Variants in BRSK2 observed in about 807,000 individuals in gnomAD.
The protein encoded by BRSK2 is serine/threonine-protein kinase BRSK2.
BRSK2 carries 19 observed loss-of-function variants against 83.3 expected under a neutral mutation model. That is an observed-to-expected ratio of 0.23 (90% CI 0.16 to 0.33). BRSK2 has a LOEUF of 0.33. Among genes scored for constraint, BRSK2 ranks in the 10% least tolerant of loss-of-function variants. The pLI is 1.00. For missense variants in BRSK2, 798 were observed against 1,042.3 expected, an observed-to-expected ratio of 0.77 and a Z score of 3.23; for synonymous variants, 519 against 435.4, an observed-to-expected ratio of 1.19 and a Z score of -2.39.
Position 1,461,635 on chromosome 11 carries a change from G to GGGGGGCT in BRSK2, c.*917_*923dup, listed in dbSNP as rs909164064. On this transcript the variant is annotated 3_prime_UTR_variant, in exon 20 of 20. Coordinates refer to ENST00000528841, the MANE Select transcript of BRSK2 (RefSeq NM_001256627.2). ...TGCCGTCTGCGTGTCTCAGGCAGTG[G>GGGGGGCT]GGGGGCTGGGGCCAGGGCGCCCTCT... 2.0e-5 allele frequency: 3 copies of GGGGGGCT among 152,770 alleles called. No individual in the cohort carries two copies. The highest frequency in any genetic ancestry group is 4.4e-5 in the Non-Finnish European group (3 of 68,470). 9.5% of individuals were successfully genotyped at this position (152,770 alleles called of 1,614,324 possible).
intron 1 of BRSK2, among the ~76,000 whole-genome samples, chr11:1,395,002 C>T (rs994099501): frequency 2.6e-5 from 4 of 151,984 alleles, no homozygotes; most frequent in African/African-American, 7.3e-5. Flanking sequence ...AGATGGGCCC[C>T]TGGAGATGGG....
At chr11:1,446,065 G>T (rs544301865) in intron 12 of BRSK2, among the ~76,000 whole-genome samples, 158 bp downstream of exon 12, 11 of 144,890 alleles carry the variant, frequency 7.6e-5, no homozygotes, top group Non-Finnish European at 1.2e-4. Context: ...GGGCTGGGCT[G>T]GGCTTGGCTG....
At chr11:1,399,303 G>T (rs761683501) in intron 1 of BRSK2, among the ~76,000 whole-genome samples, 2 of 147,244 alleles carry the variant, frequency 1.4e-5, no homozygotes, top group Admixed American at 1.4e-4. Context: ...GGATGGTGGG[G>T]TGGTGCCAGG....
At chr11:1,455,656 C>T (rs1355793712) in intron 16 of BRSK2, among the ~76,000 whole-genome samples, 1 of 152,056 alleles carries the variant, frequency 6.6e-6, no homozygotes, top group Admixed American at 6.5e-5. Context: ...GTCCCCGTCC[C>T]CGTCCCCACA....
rs958710307 is a variant in BRSK2 at position 1,443,150 on chromosome 11, G to A, written c.564+11G>A. 1.2e-5 allele frequency: 19 copies of A among 1,537,062 alleles called. No individual in the cohort carries two copies. In the Admixed American group the frequency reaches 1.6e-4, roughly 13 times the overall value. On this transcript the variant is annotated intron_variant, in intron 6 of 19. Transcript: ENST00000528841. ...CCCGAGGTGATCCGGGTGAGTCAGC[G>A]CCGCCGCGTGCAGCTCTGTGGGGCC...
At chr11:1,460,453 C>CTTCTTTTTTT in intron 19 of BRSK2, 47 bp from the exon 20 acceptor site, 3 of 1,143,924 alleles carry the variant, frequency 2.6e-6, no homozygotes, top group Non-Finnish European at 2.2e-6. Context: ...CCTTTTTTTT[C>CTTCTTTTTTT]TTTTTTCCTT....
chr11:1,439,479 C>T (rs1850848233), intron 3 of BRSK2, among the ~76,000 whole-genome samples: 1 of 150,206 alleles, frequency 6.7e-6, no homozygotes, highest in Non-Finnish European at 1.5e-5. Context: ...ATGGCTTCCT[C>T]ATGGTGACAC....
At chr11:1,411,803 T>A (rs1375261695) in intron 1 of BRSK2, among the ~76,000 whole-genome samples, 1 of 152,150 alleles carries the variant, frequency 6.6e-6, no homozygotes, top group Non-Finnish European at 1.5e-5. Flanking sequence ...CCTGCCCCTA[T>A]GTGGAGAGGC....
At chr11:1,455,514 T>C (rs1172956640) in intron 16 of BRSK2, among the ~76,000 whole-genome samples, 2 of 152,048 alleles carry the variant, frequency 1.3e-5, no homozygotes, top group African/African-American at 4.8e-5. Context: ...CTGCCCTGGC[T>C]GCAGCTGAGC....
chr11:1,397,141 G>C (rs1329408643), intron 1 of BRSK2, among the ~76,000 whole-genome samples: 1 of 152,196 alleles, frequency 6.6e-6, no homozygotes, highest in Non-Finnish European at 1.5e-5. Flanking sequence ...TGTAGGGCTG[G>C]TGCCTGTGTC....
intron 18 of BRSK2, 101 bp downstream of exon 18, chr11:1,456,788 T>C (rs1006787997): frequency 4.4e-6 from 6 of 1,360,378 alleles, no homozygotes; most frequent in South Asian, 1.3e-5. Flanking sequence ...CGCAGCCTCC[T>C]GGCCCCTCTT....
intron 1 of BRSK2, among the ~76,000 whole-genome samples, chr11:1,426,321 T>C (rs1338190719): frequency 7.2e-6 from 1 of 139,808 alleles, no homozygotes; most frequent in Non-Finnish European, 1.5e-5. Flanking sequence ...TCTGGGGATG[T>C]GTGTGGGGCG....
At chr11:1,456,106 A>C (rs1846497411) in intron 16 of BRSK2, among the ~76,000 whole-genome samples, 1 of 152,086 alleles carries the variant, frequency 6.6e-6, no homozygotes, top group African/African-American at 2.4e-5. Context: ...TGCCTGAGAA[A>C]AGCCCGGCAG....
chr11:1,459,403 G>GTC, intron 19 of BRSK2, 164 bp downstream of exon 19: 1 of 751,174 alleles, frequency 1.3e-6, no homozygotes. Context: ...ACCAGGAGCA[G>GTC]CCCAGGTCGC....
At position 1,423,637 on chromosome 11, in the gene BRSK2, C is replaced by T. The variant is rs1423055383; in HGVS notation, c.92-12403C>T. Among the ~76,000 whole-genome samples the T allele has an allele frequency of 6.6e-6, 1 of 152,116 alleles. No individual in the cohort carries two copies. Among genetic ancestry groups the T allele is most frequent in the Non-Finnish European group, 1.5e-5 (1 of 67,990 alleles). On this transcript the variant is annotated intron_variant, in intron 1 of 19. Transcript: ENST00000528841. The surrounding 1 kb of genome is among the most constrained non-coding windows in gnomAD (Gnocchi z 6.5). ...GTCCAAGGTCCAGGGTGGGCTGGCT[C>T]TTCCAAGGCCTCAAGGAAGCCCTGC...
intron 14 of BRSK2, 40 bp from the exon 15 acceptor site, chr11:1,451,331 G>T (rs374876851): frequency 1.9e-6 from 3 of 1,611,354 alleles, no homozygotes; most frequent in Non-Finnish European, 2.5e-6. Context: ...AGGATGGAGC[G>T]GTCACCACGC....
chr11:1,457,687 G>A (rs1368867969), intron 18 of BRSK2, among the ~76,000 whole-genome samples: 2 of 152,126 alleles, frequency 1.3e-5, no homozygotes, highest in Non-Finnish European at 2.9e-5. Flanking sequence ...GCAGCTCCGT[G>A]GCATGCTAGG....
At position 1,461,474 on chromosome 11, in the gene BRSK2, A is replaced by G; in HGVS notation, c.*751A>G. ...TGGCGCTCCTCTCTGGCTGAGGTGG[A>G]AACAGAGACACCCTGCGGCACCAGA... On this transcript the variant is annotated 3_prime_UTR_variant, in exon 20 of 20. Transcript: ENST00000528841. 4.8e-6 allele frequency: 1 copy of G among 210,508 alleles called. No homozygotes were observed. 13.0% of individuals were successfully genotyped at this position (210,508 alleles called of 1,614,324 possible). A position where few individuals can be genotyped will look rare whatever the true frequency, so the allele number is the denominator to read the frequency against.
At chr11:1,459,344 G>A in intron 19 of BRSK2, 105 bp downstream of exon 19, 2 of 1,347,390 alleles carry the variant, frequency 1.5e-6, no homozygotes, top group South Asian at 1.2e-5. Flanking sequence ...CGGCCTCCCT[G>A]TGTAGATGTA....
Sources: allele counts gnomAD v4.1 joint callset (sites outside exome capture counted in the v4.1 genomes callset), GRCh38; gene constraint gnomAD v4.1.1; non-coding constraint Gnocchi (gnomAD v3.1); transcripts MANE v1.5; gene names NCBI Gene and HGNC (gene_info 2026-07-23, HGNC 2026-07-21).